Variants in INTS6L observed in about 807,000 individuals in gnomAD.
The protein encoded by INTS6L is integrator complex subunit 6-like.
Under a neutral mutation model 64.7 loss-of-function variants are expected in INTS6L, and 18 were observed. The ratio of observed to expected loss-of-function variants is 0.28; its 90% CI spans 0.19 to 0.41. The LOEUF (loss-of-function observed/expected upper bound fraction) is 0.41, where lower values mean the gene tolerates loss of function less well. INTS6L is among the 10% of genes least tolerant of loss of function. The pLI, the probability that INTS6L is intolerant of heterozygous loss-of-function variation, is 1.00. For synonymous variants in INTS6L, 227 were observed against 235.9 expected (o/e 0.96, Z 0.34); for missense variants, 533 against 661.0 (o/e 0.81, Z 2.12).
chrX:135,572,917 A>G lies in INTS6L; in HGVS notation c.1501A>G (p.Thr501Ala), dbSNP rs1556528521. The G allele has an allele frequency of 8.3e-7, 1 of 1,211,186 alleles. No homozygotes were observed. The highest frequency in any genetic ancestry group is 2.2e-5 in the Admixed American group (1 of 46,028). ...TCATTCTGGAGGTGGCATGTCCTTG[A>G]CTCACAATAAAAATTTTAGAAAACT... is the stretch of plus-strand genomic sequence containing the variant. ...KNHSGGGMSL[T>A]HNKNFRKLLK... Residue 501 changes from threonine (T) to alanine (A), a missense_variant, in exon 12 of 18, where the codon ACT (threonine) becomes GCT (alanine). Coordinates refer to ENST00000639893, the MANE Select transcript of INTS6L (RefSeq NM_001351601.3).
At position 135,570,520 on chromosome X, in the gene INTS6L, T is replaced by C; in HGVS notation, c.1372T>C (p.Ser458Pro). 8.7e-7 allele frequency: 1 copy of C among 1,154,932 alleles called. No homozygotes were observed. The highest frequency in any genetic ancestry group is 1.1e-6 in the Non-Finnish European group (1 of 872,195). ...LDCGLSYSVI[S>P]YLKKLSQQTK... Reference sequence around the variant, plus strand: ...TTGTGGACTTAGTTACAGTGTTATCTCTTACCTTAAAAAACTCAGCCAACA... The same window carrying C: ...TTGTGGACTTAGTTACAGTGTTATCCCTTACCTTAAAAAACTCAGCCAACA... The change falls in exon 11 of 18, where the codon TCT becomes CCT. Residue 458 changes from serine (S) to proline (P), a missense_variant. Physicochemically the swap from Ser to Pro is moderately conservative, Grantham distance 74 (BLOSUM62 -1). Transcript: ENST00000639893.
intron 2 of INTS6L, among the ~76,000 whole-genome samples, chrX:135,521,757 C>CG (rs200158744): frequency 0.02 from 4 of 197 alleles, no homozygotes; most frequent in East Asian, 0.5. Flanking sequence ...AGGGTCGCCG[C>CG]GCGGGGGGCC....
intron 2 of INTS6L, among the ~76,000 whole-genome samples, chrX:135,525,187 T>C (rs2148556462): frequency 8.9e-6 from 1 of 112,666 alleles, no homozygotes; most frequent in East Asian, 2.8e-4. Flanking sequence ...CTATGAATCA[T>C]AATTTCCTTT....
chrX:135,532,032 T>TGG (rs1241272950), intron 2 of INTS6L, among the ~76,000 whole-genome samples: 2 of 111,423 alleles, frequency 1.8e-5, no homozygotes, highest in African/African-American at 3.3e-5. Context: ...GGAAGGAGGG[T>TGG]GGGAGCTGGA....
chrX:135,526,448 C>T (rs1236938659), intron 2 of INTS6L, among the ~76,000 whole-genome samples: 1 of 111,821 alleles, frequency 8.9e-6, no homozygotes, highest in African/African-American at 3.3e-5. Flanking sequence ...AGGTCCTCCT[C>T]TCCAAACACA....
At chrX:135,573,168 T>A (rs1397141432) in intron 12 of INTS6L, 135 bp downstream of exon 12, 2 of 524,220 alleles carry the variant, frequency 3.8e-6, no homozygotes, top group Non-Finnish European at 6.2e-6. Flanking sequence ...AGTTTAGGAA[T>A]TGTCAGCAGA....
chrX:135,576,194 G>A (rs1273487581), intron 14 of INTS6L, among the ~76,000 whole-genome samples: 5 of 110,340 alleles, frequency 4.5e-5, no homozygotes, highest in Non-Finnish European at 9.5e-5. Context: ...AGGCGTGGTG[G>A]TGGGTGCCTG....
At chrX:135,566,023 C>A (rs1602982128) in intron 9 of INTS6L, among the ~76,000 whole-genome samples, 1 of 112,042 alleles carries the variant, frequency 8.9e-6, no homozygotes, top group East Asian at 2.8e-4. Context: ...CTGAAATAAA[C>A]AGAAACTCAA....
intron 9 of INTS6L, among the ~76,000 whole-genome samples, chrX:135,557,060 C>T (rs2086664391): frequency 8.9e-6 from 1 of 111,810 alleles, no homozygotes. Flanking sequence ...AATACTTTTA[C>T]ATGTCGATTT....
intron 10 of INTS6L, chrX:135,569,885 G>T (rs1469853809): frequency 1.8e-5 from 2 of 113,938 alleles, no homozygotes; most frequent in Middle Eastern, 4.2e-3. Context: ...GGCACTGGTG[G>T]TGAGAGGCGG....
At chrX:135,530,623 G>A (rs941307828) in intron 2 of INTS6L, among the ~76,000 whole-genome samples, 1 of 112,223 alleles carries the variant, frequency 8.9e-6, no homozygotes, top group African/African-American at 3.2e-5. Flanking sequence ...TTTTAAAAAC[G>A]TCTGGAATAC....
At chrX:135,522,120 G>A (rs1171373365) in intron 2 of INTS6L, among the ~76,000 whole-genome samples, 1 of 111,725 alleles carries the variant, frequency 9.0e-6, no homozygotes, top group Non-Finnish European at 1.9e-5. Context: ...GTTCAGCCCC[G>A]CTCTCAGTTA....
In INTS6L at chrX:135,559,405, T is replaced by G. The variant is rs782785640; in HGVS notation, c.1192+3105T>G. 2.7e-5 allele frequency among the ~76,000 whole-genome samples: 3 copies of G among 112,133 alleles called. No individual in the cohort carries two copies. In the South Asian group the frequency reaches 1.1e-3, roughly 42 times the overall value. ...TGGAACCATTCAGTATGTAACCTTTTGGGATTGGCTTTTTTCAGTCAGTGT... is the reference window on the plus strand; with the variant it reads ...TGGAACCATTCAGTATGTAACCTTTGGGGATTGGCTTTTTTCAGTCAGTGT... On this transcript the variant is annotated intron_variant, in intron 9 of 17. Coordinates refer to ENST00000639893, the MANE Select transcript of INTS6L (RefSeq NM_001351601.3).
At chrX:135,546,552 G>A in intron 4 of INTS6L, 83 bp downstream of exon 4, 1 of 989,160 alleles carries the variant, frequency 1.0e-6, no homozygotes, top group South Asian at 2.6e-5. Context: ...CCAGTTAACA[G>A]TAAGTTTGGT....
At chrX:135,538,409 C>T (rs1163474726) in intron 2 of INTS6L, among the ~76,000 whole-genome samples, 1 of 112,306 alleles carries the variant, frequency 8.9e-6, no homozygotes, top group African/African-American at 3.2e-5. Flanking sequence ...TCAGTCACAT[C>T]CTTAGCTTCA....
chrX:135,546,320 A>C, intron 3 of INTS6L, 60 bp from the exon 4 acceptor site: 7 of 765,901 alleles, frequency 9.1e-6, no homozygotes, highest in Non-Finnish European at 1.3e-5. Context: ...GGCAAATATA[A>C]AAATTTAAAT....
intron 2 of INTS6L, among the ~76,000 whole-genome samples, chrX:135,531,743 A>G (rs990191181): frequency 1.8e-5 from 2 of 111,631 alleles, no homozygotes; most frequent in Middle Eastern, 4.2e-3. Context: ...TGAGCTCTCT[A>G]GTATCTGTTC....
chrX:135,573,877 T>TA, intron 12 of INTS6L, 62 bp from the exon 13 acceptor site: 12 of 1,088,353 alleles, frequency 1.1e-5, no homozygotes, highest in Non-Finnish European at 1.5e-5. Flanking sequence ...GAGAGATAAG[T>TA]ATGACATTTC....
chrX:135,536,663 TA>T (rs1167239332), intron 2 of INTS6L, among the ~76,000 whole-genome samples: 2 of 110,662 alleles, frequency 1.8e-5, no homozygotes, highest in Non-Finnish European at 3.8e-5. Context: ...CTTCTCTATT[TA>T]AAAAAAATAA....
Sources: gnomAD v4.1 joint callset for allele counts (sites outside exome capture counted in the v4.1 genomes callset) on GRCh38, gnomAD v4.1.1 for gene constraint, MANE v1.5 for transcripts, NCBI Gene and HGNC (gene_info 2026-07-23, HGNC 2026-07-21) for gene names.